Variants in MAP2K4 observed in about 807,000 individuals in gnomAD.
MAP2K4 encodes the protein dual specificity mitogen-activated protein kinase kinase 4.
MAP2K4 carries 4 observed loss-of-function variants against 48.5 expected under a neutral mutation model. That is an observed-to-expected ratio of 0.08 (90% CI 0.04 to 0.19). The LOEUF (loss-of-function observed/expected upper bound fraction) is 0.19. Among genes scored for constraint, MAP2K4 ranks in the 10% least tolerant of loss-of-function variants. MAP2K4 has a pLI of 1.00. For synonymous variants in MAP2K4, 166 were observed against 173.1 expected (o/e 0.96, Z 0.32); for missense variants, 258 against 493.3 (o/e 0.52, Z 4.52).
At chr17:12,030,529 A>G (rs1219295374) in intron 1 of MAP2K4, among the ~76,000 whole-genome samples, 1 of 152,224 alleles carries the variant, frequency 6.6e-6, no homozygotes, top group Non-Finnish European at 1.5e-5. Flanking sequence ...AGAATTTTTT[A>G]ACACTTAAAC....
At chr17:12,139,785 A>G in intron 9 of MAP2K4, 54 bp from the exon 10 acceptor site, 1 of 1,273,482 alleles carries the variant, frequency 7.9e-7, no homozygotes, top group Non-Finnish European at 1.1e-6. Flanking sequence ...GAAAAGAAAA[A>G]TACTTAGGCA....
At chr17:12,136,980 T>A (rs1973231653) in intron 9 of MAP2K4, among the ~76,000 whole-genome samples, 1 of 152,114 alleles carries the variant, frequency 6.6e-6, no homozygotes, top group South Asian at 2.1e-4. Flanking sequence ...TACTACACAA[T>A]GACAAGGCTT....
chr17:12,126,652 C>T (rs568597007), intron 8 of MAP2K4, among the ~76,000 whole-genome samples: 54 of 152,240 alleles, frequency 3.5e-4, no homozygotes, highest in Non-Finnish European at 4.0e-4. Flanking sequence ...AGATCCACCA[C>T]CAAATACCAT....
chr17:12,042,417 G>A (rs540366124), intron 1 of MAP2K4, among the ~76,000 whole-genome samples: 1 of 152,164 alleles, frequency 6.6e-6, no homozygotes, highest in African/African-American at 2.4e-5. Context: ...CTGGAGGGTG[G>A]AGAGAAGTCA....
Position 12,112,092 on chromosome 17 carries a change from T to C in MAP2K4, c.686-1141T>C, listed in dbSNP as rs532291544. On this transcript the variant is annotated intron_variant, in intron 6 of 10. Transcript: ENST00000353533. ...CATGAGACTACCCTTATAAAACTTA[T>C]ACCAGCCAACAGCCAGGTTTTCGAG... Among the ~76,000 whole-genome samples the C allele has an allele frequency of 1.8e-4, 28 of 152,278 alleles. 1 individual carries two copies. The South Asian group carries it at 5.4e-3, about 29-fold the overall frequency.
intron 1 of MAP2K4, among the ~76,000 whole-genome samples, chr17:12,043,193 C>A (rs144529221): frequency 6.6e-6 from 1 of 152,312 alleles, no homozygotes; most frequent in East Asian, 1.9e-4. Context: ...TAAACCATAT[C>A]TTCCTACTTT....
At chr17:12,035,208 G>T (rs1047154237) in intron 1 of MAP2K4, among the ~76,000 whole-genome samples, 1 of 152,162 alleles carries the variant, frequency 6.6e-6, no homozygotes. Context: ...GGTAAAAGTG[G>T]TCACACTTTT....
chr17:12,119,789 A>G (rs1473357801), intron 7 of MAP2K4, among the ~76,000 whole-genome samples: 1 of 152,250 alleles, frequency 6.6e-6, no homozygotes, highest in Non-Finnish European at 1.5e-5. Context: ...TGGTACATAT[A>G]CACTGTGGAA....
intron 1 of MAP2K4, among the ~76,000 whole-genome samples, chr17:12,034,773 C>T (rs1969541480): frequency 6.6e-6 from 1 of 152,216 alleles, no homozygotes; most frequent in Admixed American, 6.5e-5. Context: ...GTCCTGGTCA[C>T]CTTTGCTCCT....
At chr17:12,038,805 C>T (rs971740578) in intron 1 of MAP2K4, among the ~76,000 whole-genome samples, 2 of 152,122 alleles carry the variant, frequency 1.3e-5, no homozygotes, top group Non-Finnish European at 2.9e-5. Context: ...AGTCATATAG[C>T]TAATAAGGGG....
chr17:12,138,067 G>A (rs936519407), intron 9 of MAP2K4, among the ~76,000 whole-genome samples: 2 of 152,212 alleles, frequency 1.3e-5, no homozygotes, highest in African/African-American at 4.8e-5. Flanking sequence ...AGGAAAAAGT[G>A]GAGTCACAGC....
chr17:12,067,984 G>A lies in MAP2K4; in HGVS notation c.218+12993G>A, dbSNP rs554098854. 1.3e-4 allele frequency among the ~76,000 whole-genome samples: 20 copies of A among 152,272 alleles called. No individual in the cohort carries two copies. In the East Asian group the frequency reaches 3.9e-3, roughly 29 times the overall value. ...AATTTAGAAGGAGGGTGGTGAAAAT[G>A]TAGTCAATGAAGGCTTCTAAACTTG... On this transcript the variant is annotated intron_variant, in intron 2 of 10. Coordinates refer to ENST00000353533, the MANE Select transcript of MAP2K4 (RefSeq NM_003010.4).
At chr17:12,030,435 T>A (rs201105310) in intron 1 of MAP2K4, among the ~76,000 whole-genome samples, 1 of 152,208 alleles carries the variant, frequency 6.6e-6, no homozygotes, top group Non-Finnish European at 1.5e-5. Context: ...TCTATACTTA[T>A]GCTTTGAACA....
At chr17:12,069,900 TA>T in intron 2 of MAP2K4, 3 of 6,536 alleles carry the variant, frequency 4.6e-4, no homozygotes, top group South Asian at 6.5e-3. Flanking sequence ...CATATATATA[TA>T]TATATATATA....
At chr17:12,096,067 T>C (rs1463156750) in intron 4 of MAP2K4, among the ~76,000 whole-genome samples, 109 of 23,736 alleles carry the variant, frequency 4.6e-3, no homozygotes, top group Admixed American at 8.8e-3. Flanking sequence ...GAGCAACGCC[T>C]CCCCCCCCCC....
At chr17:12,088,412 A>T (rs911310070) in intron 3 of MAP2K4, among the ~76,000 whole-genome samples, 1 of 139,732 alleles carries the variant, frequency 7.2e-6, no homozygotes, top group African/African-American at 2.6e-5. Flanking sequence ...TTGTAATATT[A>T]TATATAAATT....
At position 12,020,949 on chromosome 17, in the gene MAP2K4, C is replaced by G. The variant is rs757028890; in HGVS notation, c.63C>G (p.Pro21=). The G allele has an allele frequency of 3.3e-6, 4 of 1,217,542 alleles. No individual in the cohort carries two copies. The highest frequency in any genetic ancestry group is 4.1e-6 in the Non-Finnish European group (4 of 979,022). 75.4% of individuals were successfully genotyped at this position (1,217,542 alleles called of 1,614,324 possible). ...GSGGGSGSGT[P]GPVGSPAPGH... ...GGGGCGGCAGCGGCAGCGGCACCCC[C>G]GGCCCCGTAGGGTCCCCGGCGCCAG... Residue 21 remains proline, a synonymous_variant, in exon 1 of 11, where the codon CCC becomes CCG. Coordinates refer to ENST00000353533, the MANE Select transcript of MAP2K4 (RefSeq NM_003010.4).
intron 3 of MAP2K4, among the ~76,000 whole-genome samples, chr17:12,089,622 A>G (rs1259584650): frequency 1.3e-5 from 2 of 152,164 alleles, no homozygotes; most frequent in African/African-American, 4.8e-5. Context: ...CTAAGCAGCT[A>G]CAGGTGTACC....
chr17:12,105,613 G>T (rs148246942), intron 4 of MAP2K4, among the ~76,000 whole-genome samples: 1 of 151,756 alleles, frequency 6.6e-6, no homozygotes, highest in African/African-American at 2.4e-5. Context: ...CCTGTTTTCT[G>T]CTTGAGCATG....
Sources: allele counts gnomAD v4.1 joint callset (sites outside exome capture counted in the v4.1 genomes callset), GRCh38; gene constraint gnomAD v4.1.1; transcripts MANE v1.5; gene names NCBI Gene and HGNC (gene_info 2026-07-23, HGNC 2026-07-21).